PARD3: variants seen among roughly 807,000 people sequenced by gnomAD.
PARD3 encodes par-3 family cell polarity regulator.
A neutral mutation model predicts 155.4 loss-of-function variants in PARD3; 75 were observed. That is an observed-to-expected ratio of 0.48 (90% confidence interval 0.40 to 0.58). PARD3 has a LOEUF of 0.58. PARD3 is among the 20% of genes least tolerant of loss of function. PARD3 has a pLI of 0.00. For missense variants in PARD3, 1,642 were observed against 1,721.7 expected (o/e 0.95, Z 0.82); for synonymous variants, 576 against 610.5 (o/e 0.94, Z 0.83).
At chr10:34,156,519 T>A (rs576178250) in intron 22 of PARD3, among the ~76,000 whole-genome samples, 1 of 152,318 alleles carries the variant, frequency 6.6e-6, no homozygotes, top group Admixed American at 6.5e-5. Context: ...AATTTTTAAG[T>A]TTTTTAAGTT....
intron 19 of PARD3, among the ~76,000 whole-genome samples, chr10:34,322,977 TAAGTTAAAATGA>T: frequency 6.6e-6 from 1 of 152,292 alleles, no homozygotes; most frequent in Middle Eastern, 3.4e-3. Context: ...ACAAAACTTT[TAAGTTAAAATGA>T]GACATTCAAA....
At chr10:34,518,011 G>C (rs563262489) in intron 2 of PARD3, among the ~76,000 whole-genome samples, 1 of 151,896 alleles carries the variant, frequency 6.6e-6, no homozygotes, top group Non-Finnish European at 1.5e-5. Flanking sequence ...CCCAAGTAGC[G>C]GGGATTACAG....
intron 1 of PARD3, among the ~76,000 whole-genome samples, chr10:34,763,083 T>C (rs1837652365): frequency 1.3e-5 from 2 of 152,216 alleles, no homozygotes; most frequent in Admixed American, 1.3e-4. Context: ...GAGGACATTT[T>C]GGAAATTTTG....
At chr10:34,594,723 T>C (rs1328952667) in intron 2 of PARD3, among the ~76,000 whole-genome samples, 1 of 152,124 alleles carries the variant, frequency 6.6e-6, no homozygotes, top group East Asian at 1.9e-4. Context: ...CTCAGCTACT[T>C]GAGAGGGTGA....
chr10:34,119,811 A>G (rs1488203124), intron 23 of PARD3, 71 bp from the exon 24 acceptor site: 8 of 1,330,658 alleles, frequency 6.0e-6, no homozygotes, highest in Non-Finnish European at 8.0e-6. Flanking sequence ...GGTTGACTCC[A>G]TTTCGATTCT....
intron 19 of PARD3, among the ~76,000 whole-genome samples, chr10:34,325,875 C>A (rs1182084487): frequency 6.6e-6 from 1 of 152,132 alleles, no homozygotes; most frequent in Non-Finnish European, 1.5e-5. Flanking sequence ...GTAATCCCAG[C>A]ACTTTGGGAG....
chr10:34,252,842 C>A (rs1303315158), intron 22 of PARD3, among the ~76,000 whole-genome samples: 1 of 151,878 alleles, frequency 6.6e-6, no homozygotes, highest in Non-Finnish European at 1.5e-5. Context: ...TGCTCTCATG[C>A]CCTTGCTGTA....
rs777686578 is a variant in PARD3, at chr10:34,341,780, T to C, written c.2255A>G (p.Gln752Arg). The C allele has an allele frequency of 6.2e-7, 1 of 1,613,436 alleles. No individual in the cohort carries two copies. Among genetic ancestry groups the C allele is most frequent in the African/African-American group, 1.3e-5 (1 of 74,886 alleles). The change falls in exon 16 of 25, where the codon CAA becomes CGA. Residue 752 changes from glutamine to arginine, a missense_variant. By Grantham distance (43) the Gln-to-Arg change is conservative. This residue lies in a region of PARD3 where 1,529 missense variants were observed against 1,587.3 expected (regional missense o/e 0.96). Transcript: ENST00000374788. ...YQLSPTVNMP[Q>R]DDTVIIEDDR... ...ATCTTCTATAATGACAGTGTCATCT[T>C]GGGGCATATTCACTGTAGGGGACAG... is the stretch of plus-strand genomic sequence containing the variant.
rs1413022125 is a variant in PARD3 at position 34,475,934 on chromosome 10, T to C, written c.404-5671A>G. Among the ~76,000 whole-genome samples the C allele has an allele frequency of 2.0e-5, 3 of 152,104 alleles. No individual in the cohort carries two copies. In the East Asian group the frequency reaches 5.8e-4, roughly 29 times the overall value. On this transcript the variant is annotated intron_variant, in intron 3 of 24. Coordinates refer to ENST00000374788, the MANE Select transcript of PARD3 (RefSeq NM_001184785.2). ...CTGTCCGTATTTCAAATGAAAACGC[T>C]GTTCTATGAGAAAACCTCACCATGT...
rs1235843739 is a variant in PARD3 at position 34,328,075 on chromosome 10, GAGGCAGAAA to G, written c.2833+3033_2833+3041del. On this transcript the variant is annotated intron_variant, in intron 19 of 24. Coordinates refer to ENST00000374788, the MANE Select transcript of PARD3 (RefSeq NM_001184785.2). The stretch of plus-strand genomic sequence containing the variant: ...TGAGCCAGCCTTCTTTCCAAAGCTG[GAGGCAGAAA>G]GTGCCTTCGCGTCTTCAGTTTTATG... 2.6e-5 allele frequency among the ~76,000 whole-genome samples: 4 copies of G among 152,192 alleles called. No individual in the cohort carries two copies. The South Asian group carries it at 8.3e-4, about 32-fold the overall frequency.
At chr10:34,167,802 GTATT>G (rs1294519942) in intron 22 of PARD3, among the ~76,000 whole-genome samples, 1 of 152,100 alleles carries the variant, frequency 6.6e-6, no homozygotes, top group Non-Finnish European at 1.5e-5. Flanking sequence ...TTTATAAGAT[GTATT>G]TAATTTCTAA....
intron 2 of PARD3, among the ~76,000 whole-genome samples, chr10:34,546,925 A>G (rs2084123827): frequency 6.6e-6 from 1 of 152,264 alleles, no homozygotes; most frequent in Non-Finnish European, 1.5e-5. Flanking sequence ...CACAAATGAA[A>G]TAATCTGAAA....
chr10:34,361,065 T>C (rs1374656813), intron 12 of PARD3, among the ~76,000 whole-genome samples: 2 of 152,208 alleles, frequency 1.3e-5, no homozygotes, highest in Non-Finnish European at 2.9e-5. Context: ...AGCCTATCAT[T>C]AAGAAAGCCT....
intron 7 of PARD3, among the ~76,000 whole-genome samples, chr10:34,387,698 T>C (rs1329308622): frequency 6.6e-6 from 1 of 152,238 alleles, no homozygotes; most frequent in Non-Finnish European, 1.5e-5. Flanking sequence ...CTGTGCCAGC[T>C]GAAATCTGCT....
chr10:34,142,307 C>T (rs1222030739), intron 22 of PARD3, among the ~76,000 whole-genome samples: 2 of 152,144 alleles, frequency 1.3e-5, no homozygotes, highest in East Asian at 3.9e-4. Context: ...CTTTGGGTGG[C>T]CAAGATGGGA....
intron 22 of PARD3, among the ~76,000 whole-genome samples, chr10:34,228,426 G>C (rs1194660207): frequency 6.6e-6 from 1 of 151,932 alleles, no homozygotes; most frequent in African/African-American, 2.4e-5. Context: ...AAATAAAAAA[G>C]AATCTACATG....
intron 22 of PARD3, among the ~76,000 whole-genome samples, chr10:34,181,232 A>G (rs1950252645): frequency 6.6e-6 from 1 of 152,240 alleles, no homozygotes; most frequent in South Asian, 2.1e-4. Flanking sequence ...TTCTTGAGGT[A>G]CTTCAAACTA....
At chr10:34,355,021 AAG>A (rs1453366696) in intron 14 of PARD3, among the ~76,000 whole-genome samples, 1 of 152,114 alleles carries the variant, frequency 6.6e-6, no homozygotes. Flanking sequence ...GGAGAGGGGA[AAG>A]AGGGGAGCGG....
intron 1 of PARD3, among the ~76,000 whole-genome samples, chr10:34,778,252 A>G (rs1037549823): frequency 6.6e-6 from 1 of 152,180 alleles, no homozygotes; most frequent in Non-Finnish European, 1.5e-5. Context: ...CCAGGTATTC[A>G]TCTGTAAATG....
Sources: allele counts gnomAD v4.1 joint callset (sites outside exome capture counted in the v4.1 genomes callset), GRCh38; gene constraint gnomAD v4.1.1; regional missense constraint gnomAD v4.1.1; transcripts MANE v1.5; gene names NCBI Gene and HGNC (gene_info 2026-07-23, HGNC 2026-07-21).